The following HERC1 variants were observed in gnomAD, a reference collection of about 807,000 sequenced individuals.
HERC1 encodes the protein probable E3 ubiquitin-protein ligase HERC1.
A neutral mutation model predicts 554.3 loss-of-function variants in HERC1; 160 were observed. That is an observed-to-expected ratio of 0.29 (90% CI 0.25 to 0.33). The LOEUF (loss-of-function observed/expected upper bound fraction) is 0.33, where lower values mean the gene tolerates loss of function less well. Ranked by LOEUF, HERC1 falls within the 10% of genes least tolerant of loss-of-function variation. The pLI is 1.00. For synonymous variants in HERC1, 2,175 were observed against 2,131.7 expected (o/e 1.02, Z -0.56); for missense variants, 4,919 against 5,918.5 (o/e 0.83, Z 5.54).
chr15:63,667,183 C>G (rs1160415916), intron 40 of HERC1, among the ~76,000 whole-genome samples: 4 of 152,010 alleles, frequency 2.6e-5, no homozygotes, highest in Non-Finnish European at 5.9e-5. Context: ...CAGAAAGATG[C>G]ACAAAACAAG....
chr15:63,671,795 A>C (rs945259323), intron 39 of HERC1, among the ~76,000 whole-genome samples: 3 of 152,218 alleles, frequency 2.0e-5, no homozygotes, highest in South Asian at 2.1e-4. Context: ...ATGCCTTCTT[A>C]ACTAAGGAAA....
chr15:63,617,092 G>A (rs1401636451), intron 74 of HERC1, among the ~76,000 whole-genome samples: 2 of 151,648 alleles, frequency 1.3e-5, no homozygotes, highest in African/African-American at 2.4e-5. Flanking sequence ...CATGTGCCAT[G>A]TTGGTGTGCT....
intron 1 of HERC1, among the ~76,000 whole-genome samples, chr15:63,788,995 T>A (rs1367183566): frequency 1.7e-4 from 26 of 152,006 alleles, no homozygotes; most frequent in Non-Finnish European, 1.0e-4. Flanking sequence ...AATTTCATGT[T>A]ATGTTGAGAT....
chr15:63,625,463 T>TG (rs1323229549), intron 71 of HERC1, among the ~76,000 whole-genome samples: 4 of 151,194 alleles, frequency 2.6e-5, no homozygotes, highest in African/African-American at 7.3e-5. Context: ...GAGGTGGAGG[T>TG]GGGGGGGATC....
intron 14 of HERC1, among the ~76,000 whole-genome samples, chr15:63,731,667 A>G (rs2074298692): frequency 6.6e-6 from 1 of 152,206 alleles, no homozygotes; most frequent in Non-Finnish European, 1.5e-5. Context: ...GGCGGGATAG[A>G]GCACTAAGAC....
At chr15:63,695,419 T>C (rs1193928667) in intron 27 of HERC1, among the ~76,000 whole-genome samples, 2 of 145,686 alleles carry the variant, frequency 1.4e-5, no homozygotes, top group Non-Finnish European at 3.0e-5. Flanking sequence ...GGAGTCTTGC[T>C]CTGTTGCCCA....
At position 63,698,729 on chromosome 15, in the gene HERC1, T is replaced by A. The variant is rs773231547; in HGVS notation, c.4904A>T (p.Glu1635Val). 1.4e-5 allele frequency: 23 copies of A among 1,612,620 alleles called. No individual in the cohort carries two copies. The highest frequency in any genetic ancestry group is 1.9e-5 in the Non-Finnish European group (22 of 1,179,130). ...IAMEQQQLRA[E>V]LRLEALHQIL... is the part of the protein sequence containing the mutation. ...AAGGAGTAAATATCAAAGACTTACTTCTGCCCTTAACTGCTGCTGTTCCAT... is the reference window on the plus strand; with the variant it reads ...AAGGAGTAAATATCAAAGACTTACTACTGCCCTTAACTGCTGCTGTTCCAT... The change falls in exon 26 of 78, where the codon GAA becomes GTA. Residue 1635 changes from glutamate to valine, a missense_variant and splice_region_variant. By Grantham distance (121) the Glu-to-Val change is moderately radical. Coordinates refer to ENST00000443617, the MANE Select transcript of HERC1 (RefSeq NM_003922.4).
At chr15:63,791,686 T>C (rs1278535051) in intron 1 of HERC1, among the ~76,000 whole-genome samples, 1 of 152,154 alleles carries the variant, frequency 6.6e-6, no homozygotes, top group Non-Finnish European at 1.5e-5. Flanking sequence ...ACACTTAAAA[T>C]CAATTCGATG....
At chr15:63,829,463 CAT>C (rs61362807) in intron 1 of HERC1, among the ~76,000 whole-genome samples, 37,385 of 124,582 alleles carry the variant, frequency 0.3, 5,905 homozygotes, top group Middle Eastern at 0.43. Context: ...TGTGTGTGCA[CAT>C]ATATGTTTAT....
At position 63,756,588 on chromosome 15, in the gene HERC1, G is replaced by T; in HGVS notation, c.1382C>A (p.Ser461Ter). ...GTGACCATCAGATCCTTTAGAAGAT[G>T]AAACCTTTTTAATGGATCTGTGAGG... ...FEPHRSIKKV[S>*]SSKGSDGHTL... Residue 461 changes from serine (S) to a stop codon, truncating the protein, a stop_gained, in exon 5 of 78, where the codon TCA becomes TAA. Transcript: ENST00000443617. LOFTEE classifies it high-confidence loss of function. This position sits in a 1 kb window ranked among gnomAD's most constrained non-coding sequence, Gnocchi z 5.0. The T allele has an allele frequency of 6.2e-7, 1 of 1,613,924 alleles. No individual in the cohort carries two copies. The highest frequency in any genetic ancestry group is 8.5e-7 in the Non-Finnish European group (1 of 1,179,822).
intron 38 of HERC1, among the ~76,000 whole-genome samples, 183 bp from the exon 39 acceptor site, chr15:63,672,877 C>G (rs958480358): frequency 6.6e-6 from 1 of 152,174 alleles, no homozygotes; most frequent in Non-Finnish European, 1.5e-5. Context: ...GTATTCACTA[C>G]TGTACTCATT....
At chr15:63,777,031 G>A (rs1489324154) in intron 1 of HERC1, among the ~76,000 whole-genome samples, 1 of 152,150 alleles carries the variant, frequency 6.6e-6, no homozygotes, top group African/African-American at 2.4e-5. Flanking sequence ...AATATTGCAG[G>A]GAAGGTGTCT....
intron 1 of HERC1, among the ~76,000 whole-genome samples, chr15:63,804,397 C>T (rs1447257882): frequency 6.6e-6 from 1 of 151,954 alleles, no homozygotes; most frequent in Non-Finnish European, 1.5e-5. Context: ...ACCAGCCTGG[C>T]CAACATGGTG....
At chr15:63,686,565 T>C in intron 33 of HERC1, 30 bp from the exon 34 acceptor site, 1 of 1,593,848 alleles carries the variant, frequency 6.3e-7, no homozygotes. Context: ...GTCAGCATTT[T>C]GGAATAATCC....
rs2071306077 is a variant in HERC1 at position 63,678,336 on chromosome 15, G to A, written c.6579C>T (p.Gly2193=). Residue 2193 remains glycine (G), a synonymous_variant, in exon 37 of 78, where the codon GGC becomes GGT. Coordinates refer to ENST00000443617, the MANE Select transcript of HERC1 (RefSeq NM_003922.4). ...CTCCTGGAAGTAAGTCTCGGGGTGTGCCACGCATCTGCATATCACAAATTT... is the reference window on the plus strand; with the variant it reads ...CTCCTGGAAGTAAGTCTCGGGGTGTACCACGCATCTGCATATCACAAATTT... ...KVKICDMQMR[G]TPRDLLPGDP... 2 of 1,608,766 alleles carry A rather than the reference G, an allele frequency of 1.2e-6. No individual in the cohort carries two copies. The highest frequency in any genetic ancestry group is 1.3e-5 in the African/African-American group (1 of 74,710).
chr15:63,789,181 C>G (rs1173486750), intron 1 of HERC1, among the ~76,000 whole-genome samples: 3 of 144,784 alleles, frequency 2.1e-5, no homozygotes, highest in African/African-American at 2.5e-5. Context: ...AGCTCCGCCT[C>G]CCGGGTTCAC....
chr15:63,717,828 T>G (rs907955518), intron 21 of HERC1, among the ~76,000 whole-genome samples: 1 of 152,162 alleles, frequency 6.6e-6, no homozygotes, highest in Admixed American at 6.5e-5. Context: ...GCCAAGATCA[T>G]GCCACTGCGC....
At chr15:63,660,901 T>C (rs2070322710) in intron 46 of HERC1, 72 bp downstream of exon 46, 1 of 926,328 alleles carries the variant, frequency 1.1e-6, no homozygotes, top group Non-Finnish European at 1.8e-6. Context: ...AGGTGAATTT[T>C]AGTAACAGAT....
rs758931929 is a variant in HERC1 at position 63,694,717 on chromosome 15, A to G, written c.5242+57T>C. 1 of 1,609,708 alleles carries G rather than the reference A, an allele frequency of 6.2e-7. No individual in the cohort carries two copies. The highest frequency in any genetic ancestry group is 2.2e-5 in the East Asian group (1 of 44,838). On this transcript the variant is annotated intron_variant, in intron 28 of 77. Coordinates refer to ENST00000443617, the MANE Select transcript of HERC1 (RefSeq NM_003922.4). This position sits in a 1 kb window ranked among gnomAD's most constrained non-coding sequence, Gnocchi z 4.3. ...CAAAATATAGAACATAACTAGTACC[A>G]TAACCTCGGGCTAAAATGTAACCTG...
Sources: allele counts gnomAD v4.1 joint callset (sites outside exome capture counted in the v4.1 genomes callset), GRCh38; gene constraint gnomAD v4.1.1; non-coding constraint Gnocchi (gnomAD v3.1); transcripts MANE v1.5; gene names NCBI Gene and HGNC (gene_info 2026-07-23, HGNC 2026-07-21).